Variants in CENPI observed in about 807,000 individuals in gnomAD.
CENPI encodes FSH primary response 1.
CENPI carries 4 observed loss-of-function variants against 60.4 expected under a neutral mutation model. The observed-to-expected ratio is 0.07, with a 90% CI of 0.03 to 0.15. The LOEUF is 0.15. Ranked by LOEUF, CENPI falls within the 10% of genes least tolerant of loss-of-function variation. The pLI is 1.00. For synonymous variants in CENPI, 157 were observed against 189.4 expected, an observed-to-expected ratio of 0.83 and a Z score of 1.40; for missense variants, 444 against 534.5, an observed-to-expected ratio of 0.83 and a Z score of 1.67.
chrX:101,176,047 C>T, the CENPI span, among the ~76,000 whole-genome samples: 2 of 111,765 alleles, frequency 1.8e-5, no homozygotes, highest in African/African-American at 6.5e-5. Flanking sequence ...TGATATTTGT[C>T]TTTGTGTGCC....
At chrX:101,156,798 G>A (rs1213637610) in intron 20 of CENPI, among the ~76,000 whole-genome samples, 5 of 108,380 alleles carry the variant, frequency 4.6e-5, no homozygotes, top group African/African-American at 1.7e-4. Flanking sequence ...ATAGTCTCCA[G>A]TCCCACCTAG....
At chrX:101,167,054 C>T (rs2090146347), downstream of CENPI, among the ~76,000 whole-genome samples, 1 of 112,816 alleles carries the variant, frequency 8.9e-6, no homozygotes, top group African/African-American at 3.2e-5. Flanking sequence ...GCACCCGGCC[C>T]ATTTTTTTCC....
At chrX:101,113,282 TACACACACACACACACAC>T (rs533672702) in intron 6 of CENPI, among the ~76,000 whole-genome samples, 3 of 84,003 alleles carry the variant, frequency 3.6e-5, no homozygotes, top group African/African-American at 4.6e-5. Context: ...TCCATCCCTT[TACACACACACACACACAC>T]ACACACACAC....
chrX:101,099,246 T>C (rs2089382496), intron 2 of CENPI, among the ~76,000 whole-genome samples: 1 of 109,954 alleles, frequency 9.1e-6, no homozygotes, highest in Non-Finnish European at 1.9e-5. Flanking sequence ...CTGGCTAACA[T>C]GGTGAAACCC....
chrX:101,158,770 A>G (rs2090078149), intron 20 of CENPI, among the ~76,000 whole-genome samples: 1 of 110,938 alleles, frequency 9.0e-6, no homozygotes, highest in South Asian at 3.8e-4. Flanking sequence ...AGCTGGGATT[A>G]CAGGCTTGCG....
At chrX:101,171,227 G>T in the CENPI span, among the ~76,000 whole-genome samples, 1 of 111,212 alleles carries the variant, frequency 9.0e-6, no homozygotes, top group African/African-American at 3.3e-5. Context: ...TTCCACAGGG[G>T]AGCCAACACA....
At chrX:101,108,068 TA>T (rs1210308815) in intron 4 of CENPI, among the ~76,000 whole-genome samples, 1 of 110,449 alleles carries the variant, frequency 9.1e-6, no homozygotes, top group Non-Finnish European at 1.9e-5. Flanking sequence ...TTCATTGTTT[TA>T]AAAATTCAGC....
chrX:101,136,565 A>G (rs1171337737), intron 15 of CENPI, among the ~76,000 whole-genome samples: 2 of 112,188 alleles, frequency 1.8e-5, no homozygotes, highest in African/African-American at 3.2e-5. Flanking sequence ...AATGAATAGT[A>G]TTTTTAAAGT....
At chrX:101,161,322 A>G (rs1464368590) in intron 20 of CENPI, among the ~76,000 whole-genome samples, 1 of 112,172 alleles carries the variant, frequency 8.9e-6, no homozygotes, top group Non-Finnish European at 1.9e-5. Context: ...TCACTTAGCA[A>G]TAATTTTTAA....
At chrX:101,132,572 G>T in intron 15 of CENPI, 116 bp downstream of exon 15, 1 of 591,535 alleles carries the variant, frequency 1.7e-6, no homozygotes, top group Admixed American at 3.4e-5. Context: ...TCTTGGACCT[G>T]GGCTTTGAGG....
chrX:101,152,529 G>T, intron 20 of CENPI, among the ~76,000 whole-genome samples: 1 of 109,917 alleles, frequency 9.1e-6, no homozygotes, highest in African/African-American at 3.3e-5. Context: ...CGATTCTCCT[G>T]CCTCAGCCTC....
intron 18 of CENPI, among the ~76,000 whole-genome samples, chrX:101,146,591 C>G (rs2089963569): frequency 8.9e-6 from 1 of 111,867 alleles, no homozygotes; most frequent in Admixed American, 9.6e-5. Context: ...GTGATAATTG[C>G]TTGAAGTGTT....
At chrX:101,109,794 T>G in intron 5 of CENPI, 97 bp from the exon 6 acceptor site, 1 of 639,070 alleles carries the variant, frequency 1.6e-6, no homozygotes, top group Non-Finnish European at 2.5e-6. Flanking sequence ...GCCTGAAGCT[T>G]CTAAAATAGC....
chrX:101,138,312 G>C (rs1260184435), intron 15 of CENPI, among the ~76,000 whole-genome samples: 1 of 107,976 alleles, frequency 9.3e-6, no homozygotes, highest in African/African-American at 3.4e-5. Flanking sequence ...TTAATGTGGT[G>C]ACAGGGGTAG....
At chrX:101,174,676 G>A in the CENPI span, among the ~76,000 whole-genome samples, 1 of 110,627 alleles carries the variant, frequency 9.0e-6, no homozygotes, top group Non-Finnish European at 1.9e-5. Context: ...GGGGGAGGGA[G>A]GGGAGCAAGA....
the CENPI span, among the ~76,000 whole-genome samples, chrX:101,180,777 T>C: frequency 9.0e-6 from 1 of 111,464 alleles, no homozygotes; most frequent in Non-Finnish European, 1.9e-5. Context: ...GTTTTGTTTT[T>C]TGTTTTAGAG....
chrX:101,180,524 GAT>G, the CENPI span, among the ~76,000 whole-genome samples: 2 of 111,908 alleles, frequency 1.8e-5, no homozygotes, highest in East Asian at 2.8e-4. Flanking sequence ...ACACTTCTCA[GAT>G]ATATGATTTG....
chrX:101,154,816 T>C (rs1021174027), intron 20 of CENPI, among the ~76,000 whole-genome samples: 1 of 111,821 alleles, frequency 8.9e-6, no homozygotes, highest in African/African-American at 3.2e-5. Flanking sequence ...ACTGTGTTTT[T>C]TGATGTTATC....
At position 101,163,246 on chromosome X, in the gene CENPI, G is replaced by A. The variant is rs3810707; in HGVS notation, c.*279G>A. 0.22 allele frequency: 52,940 copies of A among 239,088 alleles called. 4,394 individuals carry two copies. The highest frequency in any genetic ancestry group is 0.34 in the South Asian group (4,324 of 12,605). The allele number at this position is 239,088 out of a possible 1,213,427, so 19.7% of individuals were successfully genotyped here. A position where few individuals can be genotyped will look rare whatever the true frequency, so the allele number is the denominator to read the frequency against. ...TGTAAAAAGACACATCTGTTTTGTG[G>A]TAGGATTTTTTCACATTTTTGGGTA... On this transcript the variant is annotated 3_prime_UTR_variant, in exon 22 of 22. Transcript: ENST00000682095.
Sources: allele counts gnomAD v4.1 joint callset (sites outside exome capture counted in the v4.1 genomes callset), GRCh38; gene constraint gnomAD v4.1.1; transcripts MANE v1.5; gene names NCBI Gene and HGNC (gene_info 2026-07-23, HGNC 2026-07-21).